The following SORCS2 variants were observed in gnomAD, a reference collection of about 807,000 sequenced individuals.
The protein encoded by SORCS2 is sortilin related VPS10 domain containing receptor 2.
Under a neutral mutation model 141.6 loss-of-function variants are expected in SORCS2, and 100 were observed. The observed-to-expected ratio is 0.71, with a 90% CI of 0.60 to 0.83. The LOEUF (loss-of-function observed/expected upper bound fraction) is 0.83, where lower values mean the gene tolerates loss of function less well. Ranked by LOEUF, SORCS2 falls within the 40% of genes least tolerant of loss-of-function variation. The pLI is 0.00. For synonymous variants in SORCS2, 789 were observed against 676.9 expected (o/e 1.17, Z -2.57); for missense variants, 1,646 against 1,560.2 (o/e 1.05, Z -0.93).
At chr4:7,536,841 G>A (rs1360175288) in intron 3 of SORCS2, among the ~76,000 whole-genome samples, 3 of 46,918 alleles carry the variant, frequency 6.4e-5, no homozygotes, top group Non-Finnish European at 2.1e-4. Context: ...GTGGGGGGGG[G>A]GGGCGGGCAG....
intron 1 of SORCS2, among the ~76,000 whole-genome samples, chr4:7,388,697 A>T (rs1723650345): frequency 6.6e-6 from 1 of 152,110 alleles, no homozygotes; most frequent in African/African-American, 2.4e-5. Flanking sequence ...CTCTTTAGCC[A>T]TTTTGAAGTG....
chr4:7,456,784 G>T (rs1316263107), intron 2 of SORCS2, among the ~76,000 whole-genome samples: 2 of 152,130 alleles, frequency 1.3e-5, no homozygotes, highest in African/African-American at 2.4e-5. Context: ...GGGTAGGGGG[G>T]TGGAGGGTCA....
chr4:7,316,670 G>C (rs900389886), intron 1 of SORCS2, among the ~76,000 whole-genome samples: 2 of 152,230 alleles, frequency 1.3e-5, no homozygotes, highest in African/African-American at 4.8e-5. Flanking sequence ...AGGATGACAA[G>C]GGTGAATTAT....
intron 1 of SORCS2, among the ~76,000 whole-genome samples, chr4:7,290,493 C>T (rs1026169062): frequency 6.6e-6 from 1 of 152,184 alleles, no homozygotes. Context: ...CTTCCCCATG[C>T]TGCCAACAGA....
At chr4:7,202,079 T>C (rs4689632) in intron 1 of SORCS2, among the ~76,000 whole-genome samples, 21,088 of 150,658 alleles carry the variant, frequency 0.14, 1,624 homozygotes, top group Middle Eastern at 0.27. Context: ...GGGTGGGGAA[T>C]GCCCTGTACC....
chr4:7,570,908 G>A (rs1035503836), intron 3 of SORCS2, among the ~76,000 whole-genome samples: 1 of 152,170 alleles, frequency 6.6e-6, no homozygotes, highest in African/African-American at 2.4e-5. Context: ...AGCTGGGGGA[G>A]GGGCCGAGTC....
At chr4:7,613,949 A>G (rs1718587066) in intron 3 of SORCS2, among the ~76,000 whole-genome samples, 1 of 151,918 alleles carries the variant, frequency 6.6e-6, no homozygotes, top group African/African-American at 2.4e-5. Flanking sequence ...TCATTCATTC[A>G]TTATCCACCC....
intron 3 of SORCS2, among the ~76,000 whole-genome samples, chr4:7,599,729 G>A (rs1717528799): frequency 6.6e-6 from 1 of 152,164 alleles, no homozygotes. Flanking sequence ...TGTGAGAGGT[G>A]AAATTGCAGG....
At chr4:7,543,071 C>T (rs572447661) in intron 3 of SORCS2, among the ~76,000 whole-genome samples, 3 of 152,198 alleles carry the variant, frequency 2.0e-5, no homozygotes, top group African/African-American at 4.8e-5. Context: ...CAGCACATGG[C>T]AGTGGACAGC....
intron 3 of SORCS2, among the ~76,000 whole-genome samples, chr4:7,599,863 A>G (rs1277634357): frequency 2.7e-5 from 4 of 148,462 alleles, no homozygotes; most frequent in African/African-American, 1.0e-4. Context: ...TTGCTGTGTC[A>G]CCCAGGCTAG....
Position 7,371,755 on chromosome 4 carries a change from G to C in SORCS2, c.481-24533G>C, listed in dbSNP as rs528473589. Among the ~76,000 whole-genome samples the C allele has an allele frequency of 4.7e-3, 718 of 152,324 alleles. 6 individuals are homozygous for C. The highest frequency in any genetic ancestry group is 6.8e-3 in the Middle Eastern group (2 of 294). The stretch of plus-strand genomic sequence containing the variant: ...CCACGTGGAGGCGGGTGTGTGTCGG[G>C]AGCTGAGCTTTGGTGTCAGCTCGCT... On this transcript the variant is annotated intron_variant, in intron 1 of 26. Coordinates refer to ENST00000507866, the MANE Select transcript of SORCS2 (RefSeq NM_020777.3).
chr4:7,616,820 A>G (rs1371013069), intron 3 of SORCS2, among the ~76,000 whole-genome samples: 1 of 152,284 alleles, frequency 6.6e-6, no homozygotes, highest in Non-Finnish European at 1.5e-5. Context: ...AAAACCAGCC[A>G]TGTGGAAATT....
chr4:7,573,822 A>T (rs1715553952), intron 3 of SORCS2, among the ~76,000 whole-genome samples: 1 of 151,902 alleles, frequency 6.6e-6, no homozygotes, highest in Admixed American at 6.6e-5. Context: ...CTGTGGCTTC[A>T]GTCCTTAACT....
At chr4:7,195,469 C>G (rs113243320) in intron 1 of SORCS2, among the ~76,000 whole-genome samples, 183 of 152,246 alleles carry the variant, frequency 1.2e-3, no homozygotes, top group African/African-American at 4.3e-3. Flanking sequence ...ACCTTCCACT[C>G]CTGCCTCTCT....
intron 1 of SORCS2, among the ~76,000 whole-genome samples, chr4:7,349,956 A>G (rs957081657): frequency 1.3e-5 from 2 of 152,094 alleles, no homozygotes; most frequent in Non-Finnish European, 1.5e-5. Context: ...CCACTGGACA[A>G]TTTCAGTCCC....
At chr4:7,612,334 C>G (rs1718460644) in intron 3 of SORCS2, among the ~76,000 whole-genome samples, 1 of 152,162 alleles carries the variant, frequency 6.6e-6, no homozygotes, top group South Asian at 2.1e-4. Flanking sequence ...GGACAACTCT[C>G]CCAGTAGAGC....
intron 3 of SORCS2, among the ~76,000 whole-genome samples, chr4:7,599,644 G>A (rs1330414446): frequency 1.3e-5 from 2 of 152,092 alleles, no homozygotes; most frequent in Non-Finnish European, 2.9e-5. Context: ...GTCTCTTCCT[G>A]TGATTCTGGC....
At chr4:7,604,481 C>G (rs1717936654) in intron 3 of SORCS2, among the ~76,000 whole-genome samples, 1 of 152,198 alleles carries the variant, frequency 6.6e-6, no homozygotes. Flanking sequence ...CCACGCACGG[C>G]TCATTTTTTG....
At chr4:7,610,829 G>T (rs1237635161) in intron 3 of SORCS2, among the ~76,000 whole-genome samples, 1 of 152,186 alleles carries the variant, frequency 6.6e-6, no homozygotes, top group Non-Finnish European at 1.5e-5. Context: ...TGGAAGAGCA[G>T]CCCCGATCCT....
Sources: allele counts gnomAD v4.1 joint callset (sites outside exome capture counted in the v4.1 genomes callset), GRCh38; gene constraint gnomAD v4.1.1; transcripts MANE v1.5; gene names NCBI Gene and HGNC (gene_info 2026-07-23, HGNC 2026-07-21).